The following SLC6A6 variants were observed in gnomAD, a reference collection of about 807,000 sequenced individuals.
SLC6A6 encodes solute carrier family 6 member 6, also known as sodium- and chloride-dependent taurine transporter.
SLC6A6 carries 16 observed loss-of-function variants against 68.8 expected under a neutral mutation model. The observed-to-expected ratio is 0.23, with a 90% CI of 0.16 to 0.35. SLC6A6 has a LOEUF of 0.35. Among genes scored for constraint, SLC6A6 ranks in the 10% least tolerant of loss-of-function variants. The probability of loss-of-function intolerance (pLI) is 1.00; values close to 1 mark genes in which losing one functional copy is unlikely to be tolerated. For synonymous variants in SLC6A6, 312 were observed against 315.4 expected, an observed-to-expected ratio of 0.99 and a Z score of 0.12; for missense variants, 474 against 802.8, an observed-to-expected ratio of 0.59 and a Z score of 4.95.
rs141030841 is a variant in SLC6A6 at position 14,472,258 on chromosome 3, C to T, written c.1150C>T (p.Pro384Ser). 2 of 1,613,850 alleles carry T rather than the reference C, an allele frequency of 1.2e-6. No individual in the cohort carries two copies. Among genetic ancestry groups the T allele is most frequent in the African/African-American group, 2.7e-5 (2 of 74,914 alleles). Reference sequence around the variant, plus strand: ...AAAAGCTGTGACAATGATGCCGCTGCCCACATTTTGGTCCATTCTTTTTTT... The same window carrying T: ...AAAAGCTGTGACAATGATGCCGCTGTCCACATTTTGGTCCATTCTTTTTTT... ...YPKAVTMMPL[P>S]TFWSILFFIM... Residue 384 changes from proline to serine, a missense_variant, in exon 10 of 15, where the codon CCC becomes TCC. Pro to Ser is a moderately conservative substitution (Grantham distance 74). Transcript: ENST00000622186. The surrounding 1 kb of genome is among the most constrained non-coding windows in gnomAD (Gnocchi z 4.5).
intron 6 of SLC6A6, 53 bp from the exon 7 acceptor site, chr3:14,466,463 T>C (rs888661414): frequency 1.0e-5 from 16 of 1,570,814 alleles, no homozygotes; most frequent in African/African-American, 2.7e-5. Context: ...ATGCTCAGAC[T>C]TAGCAGCAGC....
At chr3:14,436,375 T>C (rs1021573237) in intron 2 of SLC6A6, among the ~76,000 whole-genome samples, 2 of 151,896 alleles carry the variant, frequency 1.3e-5, no homozygotes, top group South Asian at 4.2e-4. Context: ...TAATTTTTTT[T>C]TAACTTTTTG....
intron 6 of SLC6A6, among the ~76,000 whole-genome samples, chr3:14,463,120 G>A (rs189849384): frequency 1.2e-3 from 185 of 152,316 alleles, no homozygotes; most frequent in Non-Finnish European, 1.9e-3. Flanking sequence ...CTGAGGTGGC[G>A]TGACCAGGAT....
At chr3:14,444,315 G>T (rs1421626967) in intron 3 of SLC6A6, 1 of 187,916 alleles carries the variant, frequency 5.3e-6, no homozygotes, top group East Asian at 1.3e-4. Flanking sequence ...CGCTGTAGAT[G>T]GAAAACTGGT....
intron 2 of SLC6A6, among the ~76,000 whole-genome samples, chr3:14,425,929 C>G (rs1236507472): frequency 7.0e-6 from 1 of 142,752 alleles, no homozygotes; most frequent in Non-Finnish European, 1.5e-5. Flanking sequence ...ATGCATGACT[C>G]TCACCAATTA....
chr3:14,476,714 G>A (rs1700886368), intron 10 of SLC6A6, among the ~76,000 whole-genome samples: 1 of 152,242 alleles, frequency 6.6e-6, no homozygotes, highest in South Asian at 2.1e-4. Flanking sequence ...CAGCCAATGT[G>A]TCTGGCAGGG....
chr3:14,464,308 C>CA (rs1366680148), intron 6 of SLC6A6, among the ~76,000 whole-genome samples: 2 of 152,198 alleles, frequency 1.3e-5, no homozygotes. Context: ...GGCTGTGGGG[C>CA]AGGTCCCCAT....
chr3:14,432,641 A>T (rs1468172809), intron 2 of SLC6A6: 1 of 152,510 alleles, frequency 6.6e-6, no homozygotes, highest in African/African-American at 2.4e-5. Context: ...GCAACAGGAA[A>T]ACAACCCCAA....
At position 14,470,439 on chromosome 3, in the gene SLC6A6, G is replaced by A. The variant is rs1012084732; in HGVS notation, c.1097-1766G>A. Among the ~76,000 whole-genome samples, 23 of 152,306 alleles carry A rather than the reference G, an allele frequency of 1.5e-4. No homozygotes were observed. In the East Asian group the frequency reaches 2.9e-3, roughly 19 times the overall value. ...AGCAGAGAGGCATCCAGAGGTTCTC[G>A]GAGTGGCTGGATTATGTCTCCTGGA... On this transcript the variant is annotated intron_variant, in intron 9 of 14. Transcript: ENST00000622186.
intron 2 of SLC6A6, among the ~76,000 whole-genome samples, chr3:14,435,129 T>G (rs941218651): frequency 6.6e-6 from 1 of 152,118 alleles, no homozygotes; most frequent in Non-Finnish European, 1.5e-5. Flanking sequence ...CATCCAGAGG[T>G]CACCTTGCCC....
chr3:14,410,929 C>G (rs1157125589), intron 1 of SLC6A6: 2 of 152,260 alleles, frequency 1.3e-5, no homozygotes, highest in Admixed American at 1.3e-4. Flanking sequence ...AAGGGACATC[C>G]TCTCTTGCCC....
intron 5 of SLC6A6, among the ~76,000 whole-genome samples, chr3:14,449,315 C>T (rs893095369): frequency 6.6e-6 from 1 of 152,246 alleles, no homozygotes; most frequent in Non-Finnish European, 1.5e-5. Context: ...TTTCCACTTA[C>T]AAACAAAAGG....
chr3:14,455,695 A>G (rs1347370326), intron 5 of SLC6A6, among the ~76,000 whole-genome samples: 1 of 152,204 alleles, frequency 6.6e-6, no homozygotes, highest in Non-Finnish European at 1.5e-5. Flanking sequence ...GCCCATTCAC[A>G]AGGAAGTCTT....
chr3:14,411,985 A>G (rs965134238), intron 1 of SLC6A6, among the ~76,000 whole-genome samples: 3 of 152,080 alleles, frequency 2.0e-5, no homozygotes, highest in Non-Finnish European at 2.9e-5. Flanking sequence ...GGCTTAGAAT[A>G]CCCCTGTCCT....
intron 6 of SLC6A6, among the ~76,000 whole-genome samples, chr3:14,464,251 A>C (rs999269774): frequency 1.3e-5 from 2 of 152,206 alleles, no homozygotes; most frequent in African/African-American, 4.8e-5. Flanking sequence ...GGGGAGAATC[A>C]GTAAACTGCC....
chr3:14,421,641 AT>A (rs1365116102), intron 2 of SLC6A6, among the ~76,000 whole-genome samples: 1 of 152,224 alleles, frequency 6.6e-6, no homozygotes, highest in East Asian at 1.9e-4. Context: ...ATGCATAGTA[AT>A]CGCATCTGCA....
chr3:14,451,816 G>A (rs1017090879), intron 5 of SLC6A6, among the ~76,000 whole-genome samples: 1 of 152,186 alleles, frequency 6.6e-6, no homozygotes, highest in Non-Finnish European at 1.5e-5. Context: ...TCTCTCGAGT[G>A]AATCTTGTCA....
intron 1 of SLC6A6, among the ~76,000 whole-genome samples, chr3:14,414,245 G>C (rs566038645): frequency 1.3e-5 from 2 of 152,160 alleles, no homozygotes; most frequent in Non-Finnish European, 2.9e-5. Flanking sequence ...CCAAGAAAGA[G>C]CCTTGTTTTT....
intron 2 of SLC6A6, among the ~76,000 whole-genome samples, chr3:14,426,334 C>T (rs940147163): frequency 3.3e-5 from 5 of 151,766 alleles, no homozygotes; most frequent in Admixed American, 1.3e-4. Context: ...AGTCCCCCCC[C>T]AGCCATCCCA....
Sources: gnomAD v4.1 joint callset for allele counts (sites outside exome capture counted in the v4.1 genomes callset) on GRCh38, gnomAD v4.1.1 for gene constraint, Gnocchi (gnomAD v3.1) non-coding constraint, MANE v1.5 for transcripts, NCBI Gene and HGNC (gene_info 2026-07-23, HGNC 2026-07-21) for gene names.